ABCF1: variants seen among roughly 807,000 people sequenced by gnomAD.
ABCF1 encodes ATP binding cassette subfamily F member 1.
ABCF1 carries 73 observed loss-of-function variants against 126.3 expected under a neutral mutation model. That is an observed-to-expected ratio of 0.58 (90% CI 0.48 to 0.70). The LOEUF is 0.70. Among genes scored for constraint, ABCF1 ranks in the 30% least tolerant of loss-of-function variants. The probability of loss-of-function intolerance (pLI) is 0.00; values close to 1 mark genes in which losing one functional copy is unlikely to be tolerated. For missense variants in ABCF1, 786 were observed against 1,057.5 expected, an observed-to-expected ratio of 0.74 and a Z score of 3.56; for synonymous variants, 345 against 396.4, an observed-to-expected ratio of 0.87 and a Z score of 1.54.
chr6:30,582,847 C>T (rs1327291758), intron 9 of ABCF1, among the ~76,000 whole-genome samples: 1 of 152,156 alleles, frequency 6.6e-6, no homozygotes, highest in Non-Finnish European at 1.5e-5. Flanking sequence ...GTGGCACCAC[C>T]ATGCCTGGCT....
At position 30,590,731 on chromosome 6, in the gene ABCF1, CAT is replaced by C. The variant is rs1802411186; in HGVS notation, c.*33_*34del. ...TCCTTCCCAGAAGTCTCCCGAGAGA[CAT>C]ATTTGTGTGGCCTAGAAGTCCTCTG... On this transcript the variant is annotated 3_prime_UTR_variant, in exon 25 of 25. Coordinates refer to ENST00000326195, the MANE Select transcript of ABCF1 (RefSeq NM_001025091.2). 1 of 1,582,494 alleles carries C rather than the reference CAT, an allele frequency of 6.3e-7. No individual in the cohort carries two copies. The highest frequency in any genetic ancestry group is 8.6e-7 in the Non-Finnish European group (1 of 1,164,736).
In ABCF1 at chr6:30,584,761, C is replaced by G. The variant is rs1271793552; in HGVS notation, c.1391+195C>G. Among the ~76,000 whole-genome samples the G allele has an allele frequency of 1.3e-5, 2 of 152,126 alleles. No individual in the cohort carries two copies. Among genetic ancestry groups the G allele is most frequent in the Non-Finnish European group, 2.9e-5 (2 of 68,030 alleles). On this transcript the variant is annotated intron_variant, in intron 14 of 24. Transcript: ENST00000326195. This position sits in a 1 kb window ranked among gnomAD's most constrained non-coding sequence, Gnocchi z 4.6. ...TGGTGGTGAGTTCTCATCAACATAC[C>G]CTGCAGCTGGGTGCAATGGGTCACG...
chr6:30,572,775 A>G (rs1457771629), intron 1 of ABCF1, among the ~76,000 whole-genome samples: 1 of 152,244 alleles, frequency 6.6e-6, no homozygotes, highest in Non-Finnish European at 1.5e-5. Flanking sequence ...TGCTGGGATT[A>G]CAGGCGTGAG....
At chr6:30,576,274 C>CTTTTTTTTTTTTTTTTTTTTTTTTTTTT (rs1235123074) in intron 1 of ABCF1, among the ~76,000 whole-genome samples, 1 of 67,102 alleles carries the variant, frequency 1.5e-5, no homozygotes, top group African/African-American at 6.3e-5. Context: ...TCTCTGAGTG[C>CTTTTTTTTTTTTTTTTTTTTTTTTTTTT]TCTTTTTTTT....
At position 30,583,193 on chromosome 6, in the gene ABCF1, G is replaced by T; in HGVS notation, c.915+5G>T. ...GAAAATGCATCTGACATCAAGGTAAGGTCTCAAGGGGCCCCTTCCAGTCCA... is the reference window on the plus strand; with the variant it reads ...GAAAATGCATCTGACATCAAGGTAATGTCTCAAGGGGCCCCTTCCAGTCCA... On this transcript the variant is annotated splice_donor_5th_base_variant and intron_variant, in intron 10 of 24. Transcript: ENST00000326195. The surrounding 1 kb of genome is among the most constrained non-coding windows in gnomAD (Gnocchi z 4.1). 6.2e-7 allele frequency: 1 copy of T among 1,601,192 alleles called. No individual in the cohort carries two copies. Among genetic ancestry groups the T allele is most frequent in the East Asian group, 2.2e-5 (1 of 44,530 alleles).
chr6:30,577,898 G>GCAA lies in ABCF1; in HGVS notation c.204_206dup (p.Gln73dup), dbSNP rs1801588518. 1.2e-6 allele frequency: 2 copies of GCAA among 1,613,862 alleles called. No homozygotes were observed. The highest frequency in any genetic ancestry group is 1.7e-6 in the Non-Finnish European group (2 of 1,180,032). The stretch of plus-strand genomic sequence containing the variant: ...TCAAGGAGAAGGAGCAGCAGCAGCA[G>GCAA]CAACAGCAACAGCAGGTACAAGTGC... On this transcript the variant is annotated inframe_insertion, in exon 3 of 25. Coordinates refer to ENST00000326195, the MANE Select transcript of ABCF1 (RefSeq NM_001025091.2).
chr6:30,576,382 G>A (rs1801504163), intron 1 of ABCF1, among the ~76,000 whole-genome samples: 1 of 141,276 alleles, frequency 7.1e-6, no homozygotes, highest in Non-Finnish European at 1.5e-5. Context: ...CCGCCTCCTG[G>A]GTTCAAGCAA....
chr6:30,582,733 A>G (rs527330417), intron 9 of ABCF1, among the ~76,000 whole-genome samples: 1 of 152,034 alleles, frequency 6.6e-6, no homozygotes, highest in African/African-American at 2.4e-5. Flanking sequence ...TCACACTGTT[A>G]CTCAGGCTGG....
At position 30,590,359 on chromosome 6, in the gene ABCF1, C is replaced by A; in HGVS notation, c.2352C>A (p.Ala784=). ...AGTCTATTGATGCTCTAGGGGAGGC[C>A]ATCAATGAATACAAGGGTGGTAAGT... The part of the protein sequence containing the change: ...DIESIDALGE[A]INEYKGAVIV... Residue 784 remains alanine, a synonymous_variant, in exon 24 of 25, where the codon GCC becomes GCA. Transcript: ENST00000326195. 3 of 1,610,682 alleles carry A rather than the reference C, an allele frequency of 1.9e-6. No individual in the cohort carries two copies. The highest frequency in any genetic ancestry group is 2.5e-6 in the Non-Finnish European group (3 of 1,178,618).
rs1802078207 is a variant in ABCF1 at position 30,585,661 on chromosome 6, C to T, written c.1579C>T (p.His527Tyr). The change falls in exon 16 of 25, where the codon CAC (histidine) becomes TAC (tyrosine). Residue 527 changes from histidine to tyrosine, a missense_variant. His to Tyr is a moderately conservative substitution (Grantham distance 83). Transcript: ENST00000326195. Reference protein sequence around the residue: ...DIIHLDAQRLHYYRGNYMTFK... With the variant: ...DIIHLDAQRLYYYRGNYMTFK... ...CATCCACCTCGATGCCCAGCGGCTC[C>T]ACTACTATAGGGGCAATTACAGTAA... The T allele has an allele frequency of 6.2e-7, 1 of 1,612,950 alleles. No homozygotes were observed. The highest frequency in any genetic ancestry group is 8.5e-7 in the Non-Finnish European group (1 of 1,180,042).
intron 4 of ABCF1, 27 bp downstream of exon 4, chr6:30,578,229 C>T (rs1801613278): frequency 6.2e-7 from 1 of 1,613,424 alleles, no homozygotes; most frequent in Admixed American, 1.7e-5. Context: ...GGAATGGGTA[C>T]CTGGAATCCA....
Position 30,571,473 on chromosome 6 carries a change from G to T in ABCF1, c.-15G>T. The T allele has an allele frequency of 6.2e-7, 1 of 1,606,976 alleles. No homozygotes were observed. Among genetic ancestry groups the T allele is most frequent in the Non-Finnish European group, 8.5e-7 (1 of 1,177,666 alleles). ...AGCACCGGGCGCCGCCACAGTAGCT[G>T]TAACTGCCACCGCGATGCCGAAGGC... On this transcript the variant is annotated 5_prime_UTR_variant, in exon 1 of 25. Transcript: ENST00000326195.
At chr6:30,576,274 C>CTTTTTTTTTTT (rs1235123074) in intron 1 of ABCF1, among the ~76,000 whole-genome samples, 1 of 67,102 alleles carries the variant, frequency 1.5e-5, no homozygotes, top group African/African-American at 6.3e-5. Context: ...TCTCTGAGTG[C>CTTTTTTTTTTT]TCTTTTTTTT....
chr6:30,587,186 G>C (rs921342412), intron 20 of ABCF1, among the ~76,000 whole-genome samples: 3 of 151,808 alleles, frequency 2.0e-5, no homozygotes, highest in African/African-American at 7.3e-5. Flanking sequence ...GGAGGCGGGG[G>C]TTGCAGTGAG....
chr6:30,584,252 T>G lies in ABCF1; in HGVS notation c.1163T>G (p.Leu388Trp). The part of the protein sequence containing the change: ...QAVLRADTKR[L>W]KLLEEERRLQ... ...GTTCTTCGAGCTGACACCAAGCGATTGAAGCTGCTGGAAGAGGAGCGGCGG... is the reference window on the plus strand; with the variant it reads ...GTTCTTCGAGCTGACACCAAGCGATGGAAGCTGCTGGAAGAGGAGCGGCGG... The change falls in exon 13 of 25, where the codon TTG becomes TGG. Residue 388 changes from leucine to tryptophan, a missense_variant. Leu to Trp is a moderately conservative substitution (Grantham distance 61, BLOSUM62 -2). Transcript: ENST00000326195. This position sits in a 1 kb window ranked among gnomAD's most constrained non-coding sequence, Gnocchi z 4.6. 6.2e-7 allele frequency: 1 copy of G among 1,613,104 alleles called. No homozygotes were observed. Among genetic ancestry groups the G allele is most frequent in the South Asian group, 1.1e-5 (1 of 91,082 alleles).
intron 6 of ABCF1, 133 bp from the exon 7 acceptor site, chr6:30,579,798 G>T: frequency 1.3e-6 from 1 of 790,922 alleles, no homozygotes; most frequent in Non-Finnish European, 1.9e-6. Flanking sequence ...GGGTTTATCG[G>T]GATGCAACCT....
rs770798668 is a variant in ABCF1, at chr6:30,577,814, A to G, written c.121-4A>G. 2.5e-6 allele frequency: 4 copies of G among 1,613,542 alleles called. No individual in the cohort carries two copies. The highest frequency in any genetic ancestry group is 2.2e-5 in the South Asian group (2 of 91,084). Reference sequence around the variant, plus strand: ...GTTTACCTGTAGCTTAACTCCCTTTATAGTTCTTTGAAGAGCTGGCAGTAG... The same window carrying G: ...GTTTACCTGTAGCTTAACTCCCTTTGTAGTTCTTTGAAGAGCTGGCAGTAG... On this transcript the variant is annotated splice_polypyrimidine_tract_variant and splice_region_variant and intron_variant, in intron 2 of 24. Transcript: ENST00000326195.
rs769899700 is a variant in ABCF1 at position 30,586,972 on chromosome 6, C to T, written c.2031+261C>T. ...CAAGAAATATATGTCTTTTATAGAA[C>T]GATTAAAAATTGCATAAACGGGCCA... On this transcript the variant is annotated intron_variant, in intron 20 of 24. Transcript: ENST00000326195. This position sits in a 1 kb window ranked among gnomAD's most constrained non-coding sequence, Gnocchi z 4.9. Among the ~76,000 whole-genome samples the T allele has an allele frequency of 8.5e-5, 13 of 152,076 alleles. No homozygotes were observed. Among genetic ancestry groups the T allele is most frequent in the Non-Finnish European group, 1.3e-4 (9 of 68,022 alleles).
In ABCF1 at chr6:30,590,351, G is replaced by A; in HGVS notation, c.2344G>A (p.Gly782Arg). The change falls in exon 24 of 25, where the codon GGG becomes AGG. Residue 782 changes from glycine to arginine, a missense_variant. Physicochemically the swap from Gly to Arg is moderately radical, Grantham distance 125 (BLOSUM62 -2). Around this residue, in one of 4 missense-constraint regions of ABCF1, gnomAD observed 288 missense variants for 423.5 expected, o/e 0.68. Coordinates refer to ENST00000326195, the MANE Select transcript of ABCF1 (RefSeq NM_001025091.2). Reference protein sequence around the residue: ...NLDIESIDALGEAINEYKGAV... With the variant: ...NLDIESIDALREAINEYKGAV... ...GGACATAGAGTCTATTGATGCTCTAGGGGAGGCCATCAATGAATACAAGGG... is the reference window on the plus strand; with the variant it reads ...GGACATAGAGTCTATTGATGCTCTAAGGGAGGCCATCAATGAATACAAGGG... 1 of 1,611,384 alleles carries A rather than the reference G, an allele frequency of 6.2e-7. No homozygotes were observed. Among genetic ancestry groups the A allele is most frequent in the Non-Finnish European group, 8.5e-7 (1 of 1,178,978 alleles).
Sources: allele counts gnomAD v4.1 joint callset (sites outside exome capture counted in the v4.1 genomes callset), GRCh38; gene constraint gnomAD v4.1.1; regional missense constraint gnomAD v4.1.1; non-coding constraint Gnocchi (gnomAD v3.1); transcripts MANE v1.5; gene names NCBI Gene and HGNC (gene_info 2026-07-23, HGNC 2026-07-21).